Variants in ATP9B observed in about 807,000 individuals in gnomAD.
The protein encoded by ATP9B is probable phospholipid-transporting ATPase IIB.
ATP9B carries 110 observed loss-of-function variants against 146.1 expected under a neutral mutation model. The ratio of observed to expected loss-of-function variants is 0.75; its 90% CI spans 0.65 to 0.88. The LOEUF (loss-of-function observed/expected upper bound fraction) is 0.88. Ranked by LOEUF, ATP9B falls within the 40% of genes least tolerant of loss-of-function variation. ATP9B has a pLI of 0.00. For missense variants in ATP9B, 1,499 were observed against 1,496.4 expected (o/e 1.00, Z -0.03); for synonymous variants, 604 against 569.7 (o/e 1.06, Z -0.86).
chr18:79,324,061 C>G (rs964562588), intron 15 of ATP9B, among the ~76,000 whole-genome samples: 2 of 152,158 alleles, frequency 1.3e-5, no homozygotes, highest in Admixed American at 6.5e-5. Flanking sequence ...ATTGAGCATG[C>G]TTTCCTATAC....
chr18:79,259,629 G>A (rs1182793194), intron 12 of ATP9B, among the ~76,000 whole-genome samples: 1 of 152,158 alleles, frequency 6.6e-6, no homozygotes, highest in Non-Finnish European at 1.5e-5. Context: ...AGTGAGCGTG[G>A]GGATGCTTGC....
chr18:79,366,851 G>C (rs1168441470), intron 26 of ATP9B, among the ~76,000 whole-genome samples: 1 of 152,242 alleles, frequency 6.6e-6, no homozygotes, highest in Non-Finnish European at 1.5e-5. Flanking sequence ...GAGCAAAAAA[G>C]TAAGGAACTG....
rs138132639 is a variant in ATP9B, at chr18:79,298,976, G to A, written c.1412-4628G>A. Among the ~76,000 whole-genome samples the A allele has an allele frequency of 1.6e-3, 180 of 112,912 alleles. 19 individuals are homozygous for A. The highest frequency in any genetic ancestry group is 5.1e-3 in the African/African-American group (162 of 31,902). 74.1% of individuals were successfully genotyped at this position (112,912 alleles called of 152,430 possible). A position where few individuals can be genotyped will look rare whatever the true frequency, so the allele number is the denominator to read the frequency against. ...AGCTGCTCTTCGAGGTCTTGGATCC[G>A]GAGCCTCCACATTCAGTTCCCAAGT... On this transcript the variant is annotated intron_variant, in intron 13 of 29. Transcript: ENST00000426216.
intron 9 of ATP9B, 129 bp from the exon 10 acceptor site, chr18:79,206,808 T>G (rs896636992): frequency 9.4e-5 from 68 of 724,902 alleles, no homozygotes; most frequent in Middle Eastern, 4.9e-4. Context: ...ACGTCTGTTT[T>G]GCAGTGCCTT....
At position 79,214,034 on chromosome 18, in the gene ATP9B, A is replaced by T. The variant is rs1057508824; in HGVS notation, c.1103A>T (p.Asn368Ile). The T allele has an allele frequency of 4.4e-6, 7 of 1,595,868 alleles. No individual in the cohort carries two copies. Among genetic ancestry groups the T allele is most frequent in the Non-Finnish European group, 5.1e-6 (6 of 1,174,028 alleles). ...GTAATGAACACATCCAATCCAAAAA[A>T]TAAGGTAGGCTAGATTGAGGAGCAA... ...RSVMNTSNPK[N>I]KVGLLDLELN... The change falls in exon 11 of 30, where the codon AAT becomes ATT. Residue 368 changes from asparagine to isoleucine, a missense_variant. Coordinates refer to ENST00000426216, the MANE Select transcript of ATP9B (RefSeq NM_198531.5).
chr18:79,085,517 GTC>G (rs2073740052), intron 1 of ATP9B: 1 of 152,212 alleles, frequency 6.6e-6, no homozygotes, highest in Non-Finnish European at 1.5e-5. Flanking sequence ...TACTTGTTCA[GTC>G]TGTTTTCTAC....
chr18:79,238,074 T>A lies in ATP9B; in HGVS notation c.1108-15307T>A, dbSNP rs1482752719. 2.6e-5 allele frequency among the ~76,000 whole-genome samples: 4 copies of A among 152,098 alleles called. No homozygotes were observed. In the East Asian group the frequency reaches 5.8e-4, roughly 22 times the overall value. ...CTGCTATTTAAAAATAAAAAAAAAA[T>A]TTTGGTGATGTATTTTTATTTTTAA... On this transcript the variant is annotated intron_variant, in intron 11 of 29. Coordinates refer to ENST00000426216, the MANE Select transcript of ATP9B (RefSeq NM_198531.5).
chr18:79,075,793 C>T (rs548389991), intron 1 of ATP9B, among the ~76,000 whole-genome samples: 6 of 151,944 alleles, frequency 3.9e-5, no homozygotes, highest in South Asian at 2.1e-4. Context: ...TTATGTTCAG[C>T]GTAATGTTTA....
intron 1 of ATP9B, among the ~76,000 whole-genome samples, chr18:79,077,044 T>C (rs982272924): frequency 2.6e-5 from 4 of 152,226 alleles, no homozygotes; most frequent in Admixed American, 6.5e-5. Context: ...TAATTGTCCA[T>C]TGAGACATTT....
chr18:79,320,153 T>C (rs1383999896), intron 15 of ATP9B, among the ~76,000 whole-genome samples: 1 of 152,246 alleles, frequency 6.6e-6, no homozygotes, highest in Non-Finnish European at 1.5e-5. Flanking sequence ...TCTTTTAGCT[T>C]TCATTTATTC....
Position 79,282,625 on chromosome 18 carries a change from A to G in ATP9B, c.1411+5429A>G, listed in dbSNP as rs553202284. On this transcript the variant is annotated intron_variant, in intron 13 of 29. Coordinates refer to ENST00000426216, the MANE Select transcript of ATP9B (RefSeq NM_198531.5). ...TAATTGCACATGTAATAGACTTACT[A>G]TAGTGTAAACATCACTTTTCTATGA... Among the ~76,000 whole-genome samples the G allele has an allele frequency of 6.0e-4, 92 of 152,370 alleles. 1 individual carries two copies. The highest frequency in any genetic ancestry group is 2.1e-4 in the South Asian group (1 of 4,832).
chr18:79,090,612 A>G (rs532088173), intron 1 of ATP9B, among the ~76,000 whole-genome samples: 1 of 152,226 alleles, frequency 6.6e-6, no homozygotes, highest in South Asian at 2.1e-4. Context: ...CCCATTTTTT[A>G]TTAGATTATT....
At position 79,210,916 on chromosome 18, in the gene ATP9B, C is replaced by T. The variant is rs117521980; in HGVS notation, c.1031-3046C>T. On this transcript the variant is annotated intron_variant, in intron 10 of 29. Coordinates refer to ENST00000426216, the MANE Select transcript of ATP9B (RefSeq NM_198531.5). ...GAAATACATATTTACTTTTAGTAAG[C>T]ATTTCACATCATTTTGATTTGATAA... 8.8e-3 allele frequency among the ~76,000 whole-genome samples: 1,336 copies of T among 152,328 alleles called. 9 individuals are homozygous for T. The highest frequency in any genetic ancestry group is 0.013 in the Non-Finnish European group (868 of 68,030).
At chr18:79,093,971 G>T (rs2074565599) in intron 1 of ATP9B, among the ~76,000 whole-genome samples, 1 of 152,198 alleles carries the variant, frequency 6.6e-6, no homozygotes, top group Non-Finnish European at 1.5e-5. Flanking sequence ...TGTATGTTGA[G>T]TTAAGTTTGG....
At chr18:79,375,279 G>C in intron 28 of ATP9B, 115 bp from the exon 29 acceptor site, 1 of 900,642 alleles carries the variant, frequency 1.1e-6, no homozygotes, top group African/African-American at 1.7e-5. Context: ...AACGCAGCTT[G>C]CACTGCCATT....
rs71338043 is a variant in ATP9B, at chr18:79,163,869, T to TACACGC, written c.778+9318_778+9319insGCACAC. 2.1e-5 allele frequency among the ~76,000 whole-genome samples: 3 copies of TACACGC among 142,680 alleles called. No homozygotes were observed. In the East Asian group the frequency reaches 6.1e-4, roughly 29 times the overall value. The allele number at this position is 142,680 out of a possible 152,430, so 93.6% of individuals were successfully genotyped here. A position where few individuals can be genotyped will look rare whatever the true frequency, so the allele number is the denominator to read the frequency against. Reference sequence around the variant, plus strand: ...TATTTTATTTTCATATTTTATTTTATACACACACACACACACACACACACA... The same window carrying TACACGC: ...TATTTTATTTTCATATTTTATTTTATACACGCACACACACACACACACACACACACA... On this transcript the variant is annotated intron_variant, in intron 7 of 29. Coordinates refer to ENST00000426216, the MANE Select transcript of ATP9B (RefSeq NM_198531.5).
chr18:79,361,697 A>G (rs2147858474), intron 26 of ATP9B: 1 of 814,020 alleles, frequency 1.2e-6, no homozygotes, highest in African/African-American at 1.9e-5. Flanking sequence ...TTCTTATTGA[A>G]GCTAAAGAAC....
chr18:79,348,748 G>A (rs2096906268), intron 25 of ATP9B, among the ~76,000 whole-genome samples: 1 of 152,260 alleles, frequency 6.6e-6, no homozygotes, highest in Non-Finnish European at 1.5e-5. Flanking sequence ...GGCTGAAGTG[G>A]GCGTGGGTGG....
intron 9 of ATP9B, 97 bp from the exon 10 acceptor site, chr18:79,206,840 T>G: frequency 6.2e-6 from 7 of 1,124,862 alleles, no homozygotes; most frequent in East Asian, 4.8e-5. Context: ...TCACTTGGAT[T>G]GAGCTTGTGG....
Sources: gnomAD v4.1 joint callset for allele counts (sites outside exome capture counted in the v4.1 genomes callset) on GRCh38, gnomAD v4.1.1 for gene constraint, MANE v1.5 for transcripts, NCBI Gene and HGNC (gene_info 2026-07-23, HGNC 2026-07-21) for gene names.